Variants in LYPLAL1 observed in about 807,000 individuals in gnomAD.
The protein encoded by LYPLAL1 is lysophospholipase like 1, also known as lysophospholipase-like protein 1.
A neutral mutation model predicts 19.7 loss-of-function variants in LYPLAL1; 23 were observed. The observed-to-expected ratio is 1.17, with a 90% CI of 0.84 to 1.65. LYPLAL1 has a LOEUF of 1.65. LYPLAL1 is among the 40% of genes most tolerant of loss of function. LYPLAL1 has a pLI of 0.00. For synonymous variants in LYPLAL1, 119 were observed against 96.3 expected (o/e 1.24, Z -1.38); for missense variants, 355 against 279.4 (o/e 1.27, Z -1.93).
At chr1:219,288,034 TAA>T in the LYPLAL1 span, among the ~76,000 whole-genome samples, 1 of 152,196 alleles carries the variant, frequency 6.6e-6, no homozygotes, top group South Asian at 2.1e-4. Flanking sequence ...CTTTTCTCCA[TAA>T]ATTACCCAGT....
chr1:219,281,652 A>C, the LYPLAL1 span, among the ~76,000 whole-genome samples: 1 of 152,192 alleles, frequency 6.6e-6, no homozygotes, highest in Non-Finnish European at 1.5e-5. Flanking sequence ...CTTTCTCTCC[A>C]AAAACCAAAC....
the LYPLAL1 span, among the ~76,000 whole-genome samples, chr1:219,290,525 C>A: frequency 2.0e-5 from 3 of 151,898 alleles, no homozygotes; most frequent in Non-Finnish European, 4.4e-5. Context: ...GAAAAGTAAC[C>A]CTTTATCACA....
At chr1:219,407,789 C>T in the LYPLAL1 span, among the ~76,000 whole-genome samples, 2 of 152,094 alleles carry the variant, frequency 1.3e-5, no homozygotes, top group Non-Finnish European at 2.9e-5. Context: ...CATTTACACT[C>T]ATAATTCTGG....
At chr1:219,187,034 TG>T (rs966743710) in intron 2 of LYPLAL1, among the ~76,000 whole-genome samples, 4 of 151,070 alleles carry the variant, frequency 2.6e-5, no homozygotes, top group African/African-American at 9.7e-5. Context: ...AGTTCTTTGT[TG>T]TTTTTTTTTT....
chr1:219,424,275 A>T, the LYPLAL1 span, among the ~76,000 whole-genome samples: 10 of 152,330 alleles, frequency 6.6e-5, no homozygotes, highest in East Asian at 1.9e-3. Context: ...TAATCAGGAC[A>T]TCATTCTAGG....
chr1:219,202,986 C>A (rs1382963968), intron 3 of LYPLAL1, among the ~76,000 whole-genome samples: 1 of 152,082 alleles, frequency 6.6e-6, no homozygotes, highest in Non-Finnish European at 1.5e-5. Flanking sequence ...ATGTCTGGCC[C>A]AGGCTAGGTT....
At chr1:219,177,324 G>A (rs1489011127) in intron 1 of LYPLAL1, among the ~76,000 whole-genome samples, 2 of 152,226 alleles carry the variant, frequency 1.3e-5, no homozygotes, top group Admixed American at 1.3e-4. Flanking sequence ...TGTGGGCCAT[G>A]TAAGGTCTCT....
At chr1:219,408,479 GA>G in the LYPLAL1 span, among the ~76,000 whole-genome samples, 2 of 151,936 alleles carry the variant, frequency 1.3e-5, no homozygotes, top group African/African-American at 4.8e-5. Context: ...CAGTGTTAGA[GA>G]AAAAATGGTC....
the LYPLAL1 span, among the ~76,000 whole-genome samples, chr1:219,396,273 A>T: frequency 6.6e-6 from 1 of 151,998 alleles, no homozygotes; most frequent in Non-Finnish European, 1.5e-5. Context: ...TGGGCTCTCT[A>T]TTCTGTTCCA....
the LYPLAL1 span, among the ~76,000 whole-genome samples, chr1:219,255,279 GT>G: frequency 6.6e-6 from 1 of 151,598 alleles, no homozygotes; most frequent in African/African-American, 2.4e-5. Context: ...TCTCAATAAT[GT>G]TTTTGATTTT....
At chr1:219,387,775 C>A in the LYPLAL1 span, among the ~76,000 whole-genome samples, 2 of 152,244 alleles carry the variant, frequency 1.3e-5, no homozygotes, top group Non-Finnish European at 2.9e-5. Context: ...AAATGACATT[C>A]CCACTCTTGG....
chr1:219,228,505 G>T, the LYPLAL1 span, among the ~76,000 whole-genome samples: 4 of 150,710 alleles, frequency 2.7e-5, no homozygotes, highest in African/African-American at 7.3e-5. Flanking sequence ...AAGTAAATAT[G>T]ATTTTTTTTC....
chr1:219,380,437 G>A, the LYPLAL1 span, among the ~76,000 whole-genome samples: 1 of 152,334 alleles, frequency 6.6e-6, no homozygotes. Context: ...TGGGGAGGGA[G>A]GGCTGTGTTG....
chr1:219,376,644 G>A, the LYPLAL1 span, among the ~76,000 whole-genome samples: 1 of 152,120 alleles, frequency 6.6e-6, no homozygotes, highest in African/African-American at 2.4e-5. Context: ...ATTTAAAAAT[G>A]GGCAAAGGGT....
chr1:219,395,695 TC>T, the LYPLAL1 span, among the ~76,000 whole-genome samples: 1 of 152,178 alleles, frequency 6.6e-6, no homozygotes, highest in Non-Finnish European at 1.5e-5. Context: ...CTTTAGCTGT[TC>T]CTACATCCAA....
intron 3 of LYPLAL1, chr1:219,200,713 T>C: frequency 4.3e-6 from 1 of 234,592 alleles, no homozygotes; most frequent in East Asian, 1.1e-4. Flanking sequence ...ATCTGCTTGC[T>C]CTTCCTTGCT....
At chr1:219,216,344 G>A (rs952342637), downstream of LYPLAL1, among the ~76,000 whole-genome samples, 2 of 151,798 alleles carry the variant, frequency 1.3e-5, no homozygotes, top group African/African-American at 4.8e-5. Context: ...TTAAGTGCTT[G>A]GTATTTTTGG....
the LYPLAL1 span, among the ~76,000 whole-genome samples, chr1:219,231,424 C>A: frequency 6.6e-6 from 1 of 152,068 alleles, no homozygotes; most frequent in East Asian, 1.9e-4. Context: ...TATTTTCTAT[C>A]AACAAGAGTT....
At chr1:219,347,111 C>T in the LYPLAL1 span, among the ~76,000 whole-genome samples, 1 of 152,112 alleles carries the variant, frequency 6.6e-6, no homozygotes, top group Non-Finnish European at 1.5e-5. Context: ...AAACTGACAT[C>T]ATCAATTTTG....
Sources: gnomAD v4.1 joint callset for allele counts (sites outside exome capture counted in the v4.1 genomes callset) on GRCh38, gnomAD v4.1.1 for gene constraint, MANE v1.5 for transcripts, NCBI Gene and HGNC (gene_info 2026-07-23, HGNC 2026-07-21) for gene names.